SBF2: variants seen among roughly 807,000 people sequenced by gnomAD.
SBF2 encodes SET binding factor 2, also known as myotubularin-related protein 13.
SBF2 carries 112 observed loss-of-function variants against 225.2 expected under a neutral mutation model. The observed-to-expected ratio is 0.50, with a 90% CI of 0.43 to 0.58. The LOEUF (loss-of-function observed/expected upper bound fraction) is 0.58. Among genes scored for constraint, SBF2 ranks in the 20% least tolerant of loss-of-function variants. The pLI, the probability that SBF2 is intolerant of heterozygous loss-of-function variation, is 0.00. For synonymous variants in SBF2, 763 were observed against 773.3 expected (o/e 0.99, Z 0.22); for missense variants, 1,996 against 2,206.2 (o/e 0.90, Z 1.91).
rs558889786 is a variant in SBF2, at chr11:9,885,895, C to G, written c.1929+10048G>C. Reference sequence around the variant, plus strand: ...GGACAACCTCCGTAGCGTTGCCCCCCAATCTTCTGGCATGACTTTCTAGGA... The same window carrying G: ...GGACAACCTCCGTAGCGTTGCCCCCGAATCTTCTGGCATGACTTTCTAGGA... On this transcript the variant is annotated intron_variant, in intron 17 of 39. Coordinates refer to ENST00000256190, the MANE Select transcript of SBF2 (RefSeq NM_030962.4). 1.4e-3 allele frequency among the ~76,000 whole-genome samples: 207 copies of G among 152,274 alleles called. 1 individual carries two copies. Among genetic ancestry groups the G allele is most frequent in the African/African-American group, 4.7e-3 (195 of 41,556 alleles).
rs1188973780 is a variant in SBF2, at chr11:9,780,270, A to G, written c.*148T>C. 2 of 718,012 alleles carry G rather than the reference A, an allele frequency of 2.8e-6. No individual in the cohort carries two copies. The highest frequency in any genetic ancestry group is 5.0e-6 in the Non-Finnish European group (2 of 403,592). The allele number at this position is 718,012 out of a possible 1,614,324, so 44.5% of individuals were successfully genotyped here. Reference sequence around the variant, plus strand: ...AAACACCTATTCAGGTTAAGTAGATATAGCAACCCCTGCAAGAGGGGACTG... The same window carrying G: ...AAACACCTATTCAGGTTAAGTAGATGTAGCAACCCCTGCAAGAGGGGACTG... On this transcript the variant is annotated 3_prime_UTR_variant, in exon 40 of 40. Transcript: ENST00000256190.
chr11:9,836,490 A>G (rs577075019), intron 26 of SBF2, among the ~76,000 whole-genome samples: 1 of 152,140 alleles, frequency 6.6e-6, no homozygotes, highest in African/African-American at 2.4e-5. Context: ...TTCTTGTGTC[A>G]GTCCTATACT....
chr11:10,292,333 G>A (rs1964208894), intron 1 of SBF2, among the ~76,000 whole-genome samples: 1 of 152,166 alleles, frequency 6.6e-6, no homozygotes, highest in African/African-American at 2.4e-5. Flanking sequence ...ATTGTTGGGG[G>A]GCGGGTAGAA....
intron 6 of SBF2, among the ~76,000 whole-genome samples, chr11:10,010,916 A>G (rs1436661381): frequency 6.6e-6 from 1 of 152,064 alleles, no homozygotes; most frequent in Non-Finnish European, 1.5e-5. Flanking sequence ...TATGTCCTTG[A>G]GCAGTGGTTT....
chr11:9,847,026 T>A lies in SBF2; in HGVS notation c.2864A>T (p.Lys955Met). The A allele has an allele frequency of 3.7e-6, 6 of 1,613,894 alleles. No individual in the cohort carries two copies. Among genetic ancestry groups the A allele is most frequent in the Non-Finnish European group, 5.1e-6 (6 of 1,179,760 alleles). ...FPIASITKEKKITMQNQLQQN... is the reference protein window; with the variant it reads ...FPIASITKEKMITMQNQLQQN... ...CTGTAGCTGGTTCTGCATTGTAATC[T>A]TCTTCTCCTTGGTGATGGAGGCAAT... Residue 955 changes from lysine to methionine, a missense_variant, in exon 23 of 40, where the codon AAG becomes ATG. Physicochemically the swap from Lys to Met is moderately conservative, Grantham distance 95 (BLOSUM62 -1). Transcript: ENST00000256190.
chr11:10,303,781 A>C lies in SBF2; in HGVS notation n.386+711T>G, dbSNP rs1170373776. The C allele has an allele frequency of 3.3e-5, 5 of 152,304 alleles. No homozygotes were observed. In the East Asian group the frequency reaches 9.6e-4, roughly 29 times the overall value. The allele number at this position is 152,304 out of a possible 1,614,324, so 9.4% of individuals were successfully genotyped here. On this transcript the variant is annotated intron_variant and non_coding_transcript_variant, in intron 1 of 5. Coordinates refer to the SBF2 transcript ENST00000685217. This position sits in a 1 kb window ranked among gnomAD's most constrained non-coding sequence, Gnocchi z 5.2. ...GGACCCCAGAAACCCACAAGCACGA[A>C]GCAGGAAGCCCCGTGGCTTAGCCTT...
intron 16 of SBF2, among the ~76,000 whole-genome samples, chr11:9,943,617 C>A (rs1272081685): frequency 6.6e-6 from 1 of 151,970 alleles, no homozygotes; most frequent in African/African-American, 2.4e-5. Context: ...AGCCAATGAA[C>A]ATGAAAAATT....
intron 2 of SBF2, among the ~76,000 whole-genome samples, chr11:10,160,807 C>T (rs1405819843): frequency 6.6e-6 from 1 of 152,134 alleles, no homozygotes; most frequent in Non-Finnish European, 1.5e-5. Context: ...CTATCTCTTC[C>T]TAGAACATTA....
chr11:10,193,503 C>T (rs1358446247), intron 2 of SBF2, among the ~76,000 whole-genome samples: 1 of 151,816 alleles, frequency 6.6e-6, no homozygotes, highest in Non-Finnish European at 1.5e-5. Context: ...TACAGACGCC[C>T]GCCACCACGC....
chr11:9,944,429 A>G (rs1303356198), intron 16 of SBF2, among the ~76,000 whole-genome samples: 4 of 152,234 alleles, frequency 2.6e-5, no homozygotes, highest in African/African-American at 9.6e-5. Context: ...ACTACTAGAA[A>G]ACAATACCAA....
intron 31 of SBF2, chr11:9,808,488 A>G (rs938457978): frequency 4.2e-6 from 2 of 474,280 alleles, no homozygotes; most frequent in Non-Finnish European, 7.7e-6. Context: ...GATCAGTTAA[A>G]ATCAATTCTA....
chr11:9,787,703 G>T lies in SBF2; in HGVS notation c.4968C>A (p.Ala1656=), dbSNP rs1307097267. ...CCCACAGCTGCTGCCACTTCTCAGG[G>T]GCTTGGTTCAATTTGTGCTCCAATT... ...IEKLEHKLNQ[A]PEKWQQLWER... The change falls in exon 36 of 40, where the codon GCC becomes GCA. Residue 1656 remains alanine (A), a synonymous_variant. Coordinates refer to ENST00000256190, the MANE Select transcript of SBF2 (RefSeq NM_030962.4). 2 of 1,614,132 alleles carry T rather than the reference G, an allele frequency of 1.2e-6. No individual in the cohort carries two copies. Among genetic ancestry groups the T allele is most frequent in the South Asian group, 1.1e-5 (1 of 91,074 alleles).
chr11:10,294,238 G>A, upstream of SBF2: 2 of 464,534 alleles, frequency 4.3e-6, no homozygotes, highest in Non-Finnish European at 6.8e-6. Context: ...GCGGCGCCTA[G>A]TGCCCGCTCC....
At position 9,958,023 on chromosome 11, in the gene SBF2, A is replaced by G. The variant is rs570480597; in HGVS notation, c.1860+3934T>C. The G allele has an allele frequency of 2.0e-5, 3 of 152,178 alleles. No individual in the cohort carries two copies. In the South Asian group the frequency reaches 6.2e-4, roughly 31 times the overall value. The allele number at this position is 152,178 out of a possible 1,614,324, so 9.4% of individuals were successfully genotyped here. On this transcript the variant is annotated intron_variant, in intron 16 of 39. Coordinates refer to ENST00000256190, the MANE Select transcript of SBF2 (RefSeq NM_030962.4). The stretch of plus-strand genomic sequence containing the variant: ...AAAGTTGGTTATAATCTTTTAAGAA[A>G]CATTTCCACCACAAAGGGAAATCCT...
chr11:9,939,183 C>T (rs1009680040), intron 16 of SBF2, among the ~76,000 whole-genome samples: 1 of 152,058 alleles, frequency 6.6e-6, no homozygotes, highest in African/African-American at 2.4e-5. Context: ...GCAACCTCTG[C>T]CTCCAAGGTT....
chr11:10,287,923 G>A (rs1428322650), intron 1 of SBF2, among the ~76,000 whole-genome samples: 1 of 152,228 alleles, frequency 6.6e-6, no homozygotes, highest in Non-Finnish European at 1.5e-5. Context: ...CCATTGCCCA[G>A]TCAGACATGT....
At chr11:10,169,453 C>G (rs1179305808) in intron 2 of SBF2, among the ~76,000 whole-genome samples, 7 of 152,096 alleles carry the variant, frequency 4.6e-5, no homozygotes. Context: ...TCTTTCTGTG[C>G]CTAGCTTATT....
intron 9 of SBF2, 106 bp downstream of exon 9, chr11:9,998,160 C>T (rs1947791466): frequency 2.8e-6 from 2 of 707,450 alleles, no homozygotes; most frequent in Non-Finnish European, 5.0e-6. Flanking sequence ...ATATAGCTCT[C>T]TTTAAATTAA....
intron 24 of SBF2, among the ~76,000 whole-genome samples, 187 bp from the exon 25 acceptor site, chr11:9,842,957 CACTGTCA>C: frequency 6.6e-6 from 1 of 152,182 alleles, no homozygotes; most frequent in Non-Finnish European, 1.5e-5. Flanking sequence ...CATAAAACAC[CACTGTCA>C]TCAGGATACT....
Sources: allele counts gnomAD v4.1 joint callset (sites outside exome capture counted in the v4.1 genomes callset), GRCh38; gene constraint gnomAD v4.1.1; non-coding constraint Gnocchi (gnomAD v3.1); transcripts MANE v1.5; gene names NCBI Gene and HGNC (gene_info 2026-07-23, HGNC 2026-07-21).